Variants in TXNRD2 observed in about 807,000 individuals in gnomAD.
TXNRD2 encodes thioredoxin reductase 2, mitochondrial.
In TXNRD2, 67 loss-of-function variants were observed where a neutral mutation model predicts 70.8. The observed-to-expected ratio is 0.95, with a 90% confidence interval of 0.78 to 1.16. The LOEUF is 1.16. TXNRD2 is among the 50% of genes most tolerant of loss of function. The pLI is 0.00. For missense variants in TXNRD2, 644 were observed against 719.9 expected, an observed-to-expected ratio of 0.89 and a Z score of 1.21; for synonymous variants, 301 against 295.8, an observed-to-expected ratio of 1.02 and a Z score of -0.18.
At chr22:19,887,914 C>T (rs1369143709) in intron 11 of TXNRD2, 1 of 154,912 alleles carries the variant, frequency 6.5e-6, no homozygotes, top group Non-Finnish European at 1.4e-5. Context: ...GCGAACCTGC[C>T]ACTGCAGAGA....
intron 1 of TXNRD2, among the ~76,000 whole-genome samples, chr22:19,938,924 A>G (rs1941614027): frequency 6.6e-6 from 1 of 152,198 alleles, no homozygotes; most frequent in African/African-American, 2.4e-5. Flanking sequence ...AGCTTTCTAA[A>G]TGTTCCTAAA....
chr22:19,936,569 C>T (rs1461161973), intron 1 of TXNRD2, among the ~76,000 whole-genome samples: 1 of 152,112 alleles, frequency 6.6e-6, no homozygotes, highest in African/African-American at 2.4e-5. Flanking sequence ...CCATCCACCA[C>T]AGCCCCTCAC....
chr22:19,914,797 T>C (rs1253406838), intron 7 of TXNRD2: 2 of 288,002 alleles, frequency 6.9e-6, no homozygotes, highest in East Asian at 8.8e-5. Flanking sequence ...CTAAATTTTA[T>C]AGCGTGTGAA....
chr22:19,877,041 T>C lies in TXNRD2; in HGVS notation c.*64A>G. ...ACAGAGCCAGCCCCACCTGCATACC[T>C]GGGTCTGGCCTCCGAGGAGCTGGCG... On this transcript the variant is annotated splice_region_variant and 3_prime_UTR_variant, in exon 17 of 18. Coordinates refer to ENST00000400521, the MANE Select transcript of TXNRD2 (RefSeq NM_006440.5). 6.5e-7 allele frequency: 1 copy of C among 1,548,118 alleles called. No individual in the cohort carries two copies. The highest frequency in any genetic ancestry group is 1.2e-5 in the South Asian group (1 of 84,262).
intron 11 of TXNRD2, among the ~76,000 whole-genome samples, chr22:19,892,761 C>G (rs552248235): frequency 6.6e-6 from 1 of 152,124 alleles, no homozygotes; most frequent in South Asian, 2.1e-4. Context: ...AACTCGCCAC[C>G]TCCCCTTTAG....
At chr22:19,898,199 C>A (rs1292172363) in intron 9 of TXNRD2, 69 bp from the exon 10 acceptor site, 1 of 1,419,878 alleles carries the variant, frequency 7.0e-7, no homozygotes, top group Non-Finnish European at 9.7e-7. Context: ...ACCCCAGGGC[C>A]CTGTGCCACA....
At position 19,905,614 on chromosome 22, in the gene TXNRD2, A is replaced by G. The variant is rs570069834; in HGVS notation, c.662+5763T>C. On this transcript the variant is annotated intron_variant, in intron 8 of 17. Transcript: ENST00000400521. ...TGACCGTCACCGAAGACCCCAGTAC[A>G]TCGAGGGGCCCAGCAGACATCCTGG... Among the ~76,000 whole-genome samples the G allele has an allele frequency of 9.2e-5, 14 of 152,312 alleles. No homozygotes were observed. The East Asian group carries it at 2.7e-3, about 29-fold the overall frequency.
chr22:19,934,372 C>G (rs541377443), intron 1 of TXNRD2, among the ~76,000 whole-genome samples: 39 of 124,868 alleles, frequency 3.1e-4, no homozygotes, highest in Non-Finnish European at 2.1e-4. Context: ...CAGAGTGAGA[C>G]TCTGTCTCAG....
intron 5 of TXNRD2, among the ~76,000 whole-genome samples, chr22:19,917,183 C>T (rs928739451): frequency 3.3e-5 from 5 of 152,186 alleles, no homozygotes; most frequent in African/African-American, 4.8e-5. Flanking sequence ...CAGGTGGCTC[C>T]GGAGCAGGCA....
intron 2 of TXNRD2, among the ~76,000 whole-genome samples, chr22:19,928,836 G>A (rs945821219): frequency 7.9e-5 from 12 of 151,822 alleles, no homozygotes; most frequent in East Asian, 1.9e-4. Flanking sequence ...GTGAAACCCC[G>A]TCTCTACTAA....
chr22:19,914,772 G>GGCTAAATTT, intron 7 of TXNRD2: 1 of 281,338 alleles, frequency 3.6e-6, no homozygotes, highest in South Asian at 3.6e-5. Flanking sequence ...CCACTGAATT[G>GGCTAAATTT]TACCCTAAAA....
chr22:19,933,454 C>T (rs1569114630), intron 1 of TXNRD2: 3 of 1,289,786 alleles, frequency 2.3e-6, no homozygotes, highest in South Asian at 2.5e-5. Flanking sequence ...AGGTGCCTGT[C>T]CTTCTTGTTG....
At chr22:19,911,513 G>C in intron 7 of TXNRD2, 66 bp from the exon 8 acceptor site, 1 of 1,229,358 alleles carries the variant, frequency 8.1e-7, no homozygotes, top group Non-Finnish European at 1.2e-6. Flanking sequence ...CTTCCTTAAA[G>C]AGGATGCCAG....
chr22:19,897,592 C>T (rs370607444), intron 10 of TXNRD2, among the ~76,000 whole-genome samples: 9 of 152,350 alleles, frequency 5.9e-5, no homozygotes, highest in South Asian at 2.1e-4. Flanking sequence ...TCGGAGCCAG[C>T]GCTGCCCTGT....
intron 1 of TXNRD2, 40 bp from the exon 2 acceptor site, chr22:19,931,138 G>C (rs752201204): frequency 6.3e-7 from 1 of 1,581,612 alleles, no homozygotes; most frequent in Non-Finnish European, 8.7e-7. Flanking sequence ...CTGTCTGTCT[G>C]GTTAAACGTG....
chr22:19,876,851 G>A (rs1938529480), intron 17 of TXNRD2, 189 bp downstream of exon 17: 3 of 400,340 alleles, frequency 7.5e-6, no homozygotes, highest in Admixed American at 3.9e-5. Flanking sequence ...GTCCCCCGGG[G>A]AGGTTTGGGC....
intron 10 of TXNRD2, among the ~76,000 whole-genome samples, chr22:19,896,434 T>G (rs1328340387): frequency 6.6e-6 from 1 of 152,212 alleles, no homozygotes; most frequent in Non-Finnish European, 1.5e-5. Context: ...CCCCAGGAGC[T>G]GTGCCCTGGT....
chr22:19,941,638 C>A, intron 1 of TXNRD2, 63 bp downstream of exon 1: 3 of 1,392,176 alleles, frequency 2.2e-6, no homozygotes, highest in African/African-American at 1.5e-5. Flanking sequence ...CGCGCGGACA[C>A]CCTCACGAGG....
intron 1 of TXNRD2, among the ~76,000 whole-genome samples, chr22:19,933,780 G>A (rs779934551): frequency 3.3e-5 from 5 of 152,176 alleles, no homozygotes; most frequent in African/African-American, 4.8e-5. Context: ...GGTGGCAGGC[G>A]TTACCTGGGG....
Sources: allele counts gnomAD v4.1 joint callset (sites outside exome capture counted in the v4.1 genomes callset), GRCh38; gene constraint gnomAD v4.1.1; transcripts MANE v1.5; gene names NCBI Gene and HGNC (gene_info 2026-07-23, HGNC 2026-07-21).